Variants in DYNC1I1 observed in about 807,000 individuals in gnomAD.
The protein encoded by DYNC1I1 is dynein cytoplasmic 1 intermediate chain 1.
A neutral mutation model predicts 86.6 loss-of-function variants in DYNC1I1; 43 were observed. That is an observed-to-expected ratio of 0.50 (90% CI 0.39 to 0.64). The LOEUF (loss-of-function observed/expected upper bound fraction) is 0.64. Among genes scored for constraint, DYNC1I1 ranks in the 30% least tolerant of loss-of-function variants. The probability of loss-of-function intolerance (pLI) is 0.00; values close to 1 mark genes in which losing one functional copy is unlikely to be tolerated. For synonymous variants in DYNC1I1, 262 were observed against 283.7 expected (o/e 0.92, Z 0.77); for missense variants, 604 against 788.8 (o/e 0.77, Z 2.81).
intron 5 of DYNC1I1, among the ~76,000 whole-genome samples, chr7:95,846,911 A>G (rs1326799675): frequency 6.6e-6 from 1 of 152,172 alleles, no homozygotes; most frequent in African/African-American, 2.4e-5. Context: ...CTATAGATCC[A>G]ACATTTTCTC....
chr7:95,864,013 TTGGTAA>T (rs1253157393), intron 5 of DYNC1I1, among the ~76,000 whole-genome samples: 1 of 152,232 alleles, frequency 6.6e-6, no homozygotes, highest in Non-Finnish European at 1.5e-5. Context: ...TAGAATTCCA[TTGGTAA>T]TGTACATGTT....
At chr7:96,029,869 C>A (rs1794765938) in intron 11 of DYNC1I1, among the ~76,000 whole-genome samples, 1 of 150,778 alleles carries the variant, frequency 6.6e-6, no homozygotes, top group South Asian at 2.1e-4. Context: ...CAAGATTTTA[C>A]CACTGCACTG....
intron 10 of DYNC1I1, among the ~76,000 whole-genome samples, chr7:95,997,180 A>T (rs1032086881): frequency 2.0e-5 from 3 of 152,106 alleles, no homozygotes; most frequent in Non-Finnish European, 4.4e-5. Flanking sequence ...TTATTTTCTT[A>T]GCCTTTGAAA....
chr7:95,870,728 C>A (rs972012566), intron 6 of DYNC1I1, among the ~76,000 whole-genome samples: 1 of 152,186 alleles, frequency 6.6e-6, no homozygotes, highest in African/African-American at 2.4e-5. Context: ...ATACGGGTAT[C>A]AGAGAATCAT....
intron 12 of DYNC1I1, among the ~76,000 whole-genome samples, chr7:96,034,689 G>A (rs1794891704): frequency 6.6e-6 from 1 of 152,140 alleles, no homozygotes; most frequent in South Asian, 2.1e-4. Flanking sequence ...CCCTATGTGT[G>A]GATATCACAA....
chr7:95,802,268 A>G (rs1405982860), intron 1 of DYNC1I1, among the ~76,000 whole-genome samples: 1 of 152,134 alleles, frequency 6.6e-6, no homozygotes, highest in Admixed American at 6.5e-5. Flanking sequence ...CTCAAAGTCA[A>G]ATTGTTACTG....
intron 5 of DYNC1I1, 58 bp from the exon 6 acceptor site, chr7:95,869,825 T>C (rs916159604): frequency 1.3e-6 from 2 of 1,493,490 alleles, no homozygotes; most frequent in East Asian, 2.3e-5. Context: ...TTATTACTGA[T>C]AGCTCTTCTG....
At chr7:96,074,592 C>T (rs73401034) in intron 14 of DYNC1I1, among the ~76,000 whole-genome samples, 10,162 of 148,868 alleles carry the variant, frequency 0.068, 560 homozygotes, top group African/African-American at 0.16. Context: ...CAGTTCTAAG[C>T]GGTGATTTTT....
chr7:95,794,581 T>C (rs962589010), intron 1 of DYNC1I1, among the ~76,000 whole-genome samples: 1 of 152,154 alleles, frequency 6.6e-6, no homozygotes, highest in African/African-American at 2.4e-5. Flanking sequence ...CTCTGTTAAC[T>C]AGATGAGAGG....
At position 95,920,394 on chromosome 7, in the gene DYNC1I1, C is replaced by T. The variant is rs141695620; in HGVS notation, c.490+50396C>T. 4.8e-4 allele frequency among the ~76,000 whole-genome samples: 73 copies of T among 152,250 alleles called. No homozygotes were observed. In the East Asian group the frequency reaches 7.7e-3, roughly 16 times the overall value. On this transcript the variant is annotated intron_variant, in intron 6 of 16. Transcript: ENST00000447467. ...GAATGTCTAGTGGCACCTAAGGAGA[C>T]ATGATGAATAAATGCAATGTGGTAC...
chr7:95,844,169 GC>G (rs1789364565), intron 5 of DYNC1I1, among the ~76,000 whole-genome samples: 2 of 152,124 alleles, frequency 1.3e-5, no homozygotes, highest in Admixed American at 6.5e-5. Flanking sequence ...GTATTTTGTG[GC>G]CCTTCACTCC....
intron 10 of DYNC1I1, among the ~76,000 whole-genome samples, chr7:96,015,360 A>C (rs1019995563): frequency 1.3e-5 from 2 of 152,116 alleles, no homozygotes; most frequent in African/African-American, 4.8e-5. Context: ...CTACAGACAG[A>C]TGGTCTTTAA....
rs181275554 is a variant in DYNC1I1, at chr7:95,885,915, C to T, written c.490+15917C>T. The stretch of plus-strand genomic sequence containing the variant: ...TATTCCTTGCACTTAATTTTTTGGC[C>T]TCTAACTTTGGGAGATGAAAATAAT... On this transcript the variant is annotated intron_variant, in intron 6 of 16. Transcript: ENST00000447467. 6.7e-4 allele frequency among the ~76,000 whole-genome samples: 102 copies of T among 152,202 alleles called. 1 individual carries two copies. Among genetic ancestry groups the T allele is most frequent in the Admixed American group, 6.7e-3 (102 of 15,288 alleles).
chr7:96,061,663 C>CT (rs1789774084), intron 14 of DYNC1I1, among the ~76,000 whole-genome samples: 1 of 151,188 alleles, frequency 6.6e-6, no homozygotes, highest in African/African-American at 2.4e-5. Flanking sequence ...GTCTCTCTCT[C>CT]TCTTCCTCTC....
chr7:95,834,807 C>T (rs1462910741), intron 5 of DYNC1I1, among the ~76,000 whole-genome samples: 23 of 139,326 alleles, frequency 1.7e-4, no homozygotes, highest in East Asian at 1.6e-3. Flanking sequence ...TCTGTGGGAT[C>T]GGTGGTGATA....
intron 13 of DYNC1I1, 52 bp downstream of exon 13, chr7:96,035,804 G>C (rs1794915186): frequency 6.3e-7 from 1 of 1,592,442 alleles, no homozygotes; most frequent in Non-Finnish European, 8.5e-7. Context: ...CCGAAAGTCT[G>C]TTATCACATT....
chr7:96,005,625 G>T (rs1333949174), intron 10 of DYNC1I1, among the ~76,000 whole-genome samples: 1 of 152,074 alleles, frequency 6.6e-6, no homozygotes, highest in African/African-American at 2.4e-5. Context: ...ACAACTCCTG[G>T]AAAAGAACTG....
chr7:95,915,101 T>A (rs1357952376), intron 6 of DYNC1I1, among the ~76,000 whole-genome samples: 1 of 152,220 alleles, frequency 6.6e-6, no homozygotes, highest in African/African-American at 2.4e-5. Context: ...GTGCCAGCAT[T>A]TCCTTCATGT....
At chr7:95,799,271 C>T (rs1020684756) in intron 1 of DYNC1I1, among the ~76,000 whole-genome samples, 9 of 152,010 alleles carry the variant, frequency 5.9e-5, no homozygotes, top group East Asian at 1.9e-4. Flanking sequence ...CCCAGCTACT[C>T]GAGAGGCTGA....
Sources: allele counts gnomAD v4.1 joint callset (sites outside exome capture counted in the v4.1 genomes callset), GRCh38; gene constraint gnomAD v4.1.1; transcripts MANE v1.5; gene names NCBI Gene and HGNC (gene_info 2026-07-23, HGNC 2026-07-21).